COL24A1: variants seen among roughly 807,000 people sequenced by gnomAD.
The protein encoded by COL24A1 is collagen type XXIV alpha 1 chain, also known as collagen alpha-1(XXIV) chain.
In COL24A1, 224 loss-of-function variants were observed where a neutral mutation model predicts 253.9. That is an observed-to-expected ratio of 0.88 (90% CI 0.79 to 0.99). COL24A1 has a LOEUF of 0.99. Ranked by LOEUF, COL24A1 falls within the 50% of genes least tolerant of loss-of-function variation. COL24A1 has a pLI of 0.00. For missense variants in COL24A1, 2,131 were observed against 2,068.5 expected (o/e 1.03, Z -0.59); for synonymous variants, 685 against 673.7 (o/e 1.02, Z -0.26).
chr1:85,736,855 T>C lies in COL24A1; in HGVS notation c.4782+541A>G, dbSNP rs558821565. ...TTTGTTATAACTCCCAGTGTTATAATATATGTTAGTTTAACAAACTAACAT... is the reference window on the plus strand; with the variant it reads ...TTTGTTATAACTCCCAGTGTTATAACATATGTTAGTTTAACAAACTAACAT... On this transcript the variant is annotated intron_variant, in intron 58 of 59. Coordinates refer to ENST00000370571, the MANE Select transcript of COL24A1 (RefSeq NM_152890.7). Among the ~76,000 whole-genome samples, 320 of 152,140 alleles carry C rather than the reference T, an allele frequency of 2.1e-3. 1 individual carries two copies. The highest frequency in any genetic ancestry group is 3.1e-3 in the Non-Finnish European group (214 of 68,022).
Position 85,761,913 on chromosome 1 carries a change from C to T in COL24A1, c.4375-347G>A, listed in dbSNP as rs544296359. On this transcript the variant is annotated intron_variant, in intron 53 of 59. Transcript: ENST00000370571. Reference sequence around the variant, plus strand: ...ACCTAATCATCAAATATAGAAACTTCGGTGTTCTTAGACACATTAATTTCC... The same window carrying T: ...ACCTAATCATCAAATATAGAAACTTTGGTGTTCTTAGACACATTAATTTCC... Among the ~76,000 whole-genome samples, 8 of 152,232 alleles carry T rather than the reference C, an allele frequency of 5.3e-5. No homozygotes were observed. In the East Asian group the frequency reaches 1.2e-3, roughly 22 times the overall value.
At chr1:86,069,332 T>A (rs1416309440) in intron 7 of COL24A1, among the ~76,000 whole-genome samples, 2 of 152,032 alleles carry the variant, frequency 1.3e-5, no homozygotes, top group African/African-American at 4.8e-5. Context: ...GAAACCCCCA[T>A]GGACTAGTGG....
At chr1:85,908,101 T>C (rs1685015532) in intron 27 of COL24A1, among the ~76,000 whole-genome samples, 1 of 151,822 alleles carries the variant, frequency 6.6e-6, no homozygotes, top group Admixed American at 6.6e-5. Context: ...AAGTTCATAA[T>C]AGCTGTCAGA....
chr1:86,058,018 T>C (rs1255458117), intron 9 of COL24A1, 43 bp from the exon 10 acceptor site: 3 of 1,516,004 alleles, frequency 2.0e-6, no homozygotes, highest in South Asian at 2.4e-5. Context: ...ACAGTACTTT[T>C]TAAAGAGTTA....
chr1:86,028,864 G>A (rs1026512679), intron 14 of COL24A1, among the ~76,000 whole-genome samples: 1 of 152,202 alleles, frequency 6.6e-6, no homozygotes, highest in African/African-American at 2.4e-5. Flanking sequence ...TTGTAGCAAA[G>A]ATGCTGCATA....
intron 43 of COL24A1, among the ~76,000 whole-genome samples, chr1:85,830,785 G>A (rs556564567): frequency 7.9e-5 from 12 of 152,246 alleles, no homozygotes; most frequent in African/African-American, 2.4e-4. Flanking sequence ...TTCGGCTCGC[G>A]CACAGTGCGT....
chr1:85,785,780 A>C (rs907932797), intron 48 of COL24A1, among the ~76,000 whole-genome samples: 1 of 152,210 alleles, frequency 6.6e-6, no homozygotes, highest in Non-Finnish European at 1.5e-5. Context: ...GGCTTTTATG[A>C]AAGAGCTTTA....
chr1:86,084,096 C>T (rs1361566228), intron 7 of COL24A1, among the ~76,000 whole-genome samples: 3 of 152,050 alleles, frequency 2.0e-5, no homozygotes, highest in East Asian at 1.9e-4. Flanking sequence ...GGCCTATAAC[C>T]ATGGTTTGAC....
intron 24 of COL24A1, among the ~76,000 whole-genome samples, chr1:85,957,586 A>G (rs1277447470): frequency 6.6e-6 from 1 of 152,034 alleles, no homozygotes; most frequent in Non-Finnish European, 1.5e-5. Context: ...ACTGACTAGG[A>G]TCCTCCCCTG....
intron 5 of COL24A1, among the ~76,000 whole-genome samples, chr1:86,108,987 G>C (rs1174660377): frequency 6.6e-6 from 1 of 152,188 alleles, no homozygotes; most frequent in East Asian, 1.9e-4. Context: ...CACCAACCTA[G>C]AAGGGGGAGA....
chr1:86,137,423 T>C (rs1283589027), intron 2 of COL24A1, among the ~76,000 whole-genome samples: 1 of 152,096 alleles, frequency 6.6e-6, no homozygotes. Flanking sequence ...CATGTGAGAG[T>C]TAGGAAAAGT....
At chr1:85,987,805 T>C (rs1041866739) in intron 19 of COL24A1, 151 bp from the exon 20 acceptor site, 5 of 629,730 alleles carry the variant, frequency 7.9e-6, no homozygotes, top group African/African-American at 3.8e-5. Flanking sequence ...TAGGCAGTTG[T>C]TTAACACTGG....
chr1:85,928,699 A>T lies in COL24A1; in HGVS notation c.2563-17266T>A, dbSNP rs1443061747. ...GCCAGAGAGAAAGGTCGGGTTACCC[A>T]CAAAGGGAAGCCCATCAGACTAATA... On this transcript the variant is annotated intron_variant, in intron 24 of 59. Transcript: ENST00000370571. 6.4e-5 allele frequency among the ~76,000 whole-genome samples: 4 copies of T among 62,382 alleles called. 2 individuals are homozygous for T. The highest frequency in any genetic ancestry group is 1.3e-4 in the Non-Finnish European group (4 of 31,440). The allele number at this position is 62,382 out of a possible 152,430, so 40.9% of individuals were successfully genotyped here.
At chr1:86,071,368 A>G (rs1201187637) in intron 7 of COL24A1, among the ~76,000 whole-genome samples, 1 of 152,212 alleles carries the variant, frequency 6.6e-6, no homozygotes, top group East Asian at 1.9e-4. Flanking sequence ...CCAGAAAACA[A>G]ATAACAAAAT....
chr1:85,761,450 C>A, intron 54 of COL24A1, 28 bp from the exon 55 acceptor site: 3 of 1,613,802 alleles, frequency 1.9e-6, no homozygotes, highest in Non-Finnish European at 1.7e-6. Flanking sequence ...AAAAAAAATA[C>A]ACATTTATTT....
At chr1:86,002,256 G>A (rs1695495529) in intron 19 of COL24A1, among the ~76,000 whole-genome samples, 1 of 152,280 alleles carries the variant, frequency 6.6e-6, no homozygotes, top group African/African-American at 2.4e-5. Flanking sequence ...AAAAGATTTA[G>A]GGGTGGTGGT....
chr1:85,964,655 T>C (rs1424641033), intron 23 of COL24A1, among the ~76,000 whole-genome samples: 2 of 152,170 alleles, frequency 1.3e-5, no homozygotes, highest in African/African-American at 4.8e-5. Flanking sequence ...CTGAAACTTT[T>C]TGAGTATCAG....
In COL24A1 at chr1:86,022,978, T is replaced by C; in HGVS notation, c.2079A>G (p.Gly693=). 6.2e-7 allele frequency: 1 copy of C among 1,613,110 alleles called. No homozygotes were observed. Among genetic ancestry groups the C allele is most frequent in the Non-Finnish European group, 8.5e-7 (1 of 1,179,492 alleles). ...CCATTGGGCCAGGAATTCCAGCAGG[T>C]CCAATTGGTCCCACAGGGCCAACAC... ...RGSVGPVGPI[G]PAGIPGPMGL... The change falls in exon 15 of 60, where the codon GGA becomes GGG. Residue 693 remains glycine (G), a synonymous_variant. Coordinates refer to ENST00000370571, the MANE Select transcript of COL24A1 (RefSeq NM_152890.7).
intron 14 of COL24A1, among the ~76,000 whole-genome samples, chr1:86,023,573 A>C (rs1308001512): frequency 1.3e-5 from 2 of 152,182 alleles, no homozygotes; most frequent in African/African-American, 4.8e-5. Context: ...TTCATCATTT[A>C]ATATTTACTA....
Sources: gnomAD v4.1 joint callset for allele counts (sites outside exome capture counted in the v4.1 genomes callset) on GRCh38, gnomAD v4.1.1 for gene constraint, MANE v1.5 for transcripts, NCBI Gene and HGNC (gene_info 2026-07-23, HGNC 2026-07-21) for gene names.